TNK2: variants seen among roughly 807,000 people sequenced by gnomAD.
TNK2 encodes tyrosine kinase non receptor 2.
TNK2 carries 83 observed loss-of-function variants against 101.8 expected under a neutral mutation model. The ratio of observed to expected loss-of-function variants is 0.82; its 90% CI spans 0.68 to 0.98. The LOEUF is 0.98. Among genes scored for constraint, TNK2 ranks in the 50% least tolerant of loss-of-function variants. The pLI is 0.00. For missense variants in TNK2, 1,665 were observed against 1,483.2 expected (o/e 1.12, Z -2.01); for synonymous variants, 804 against 633.0 (o/e 1.27, Z -4.06).
intron 1 of TNK2, among the ~76,000 whole-genome samples, chr3:195,904,184 G>T (rs10881557): frequency 0.12 from 17,880 of 151,186 alleles, 1,438 homozygotes; most frequent in East Asian, 0.39. Flanking sequence ...CCTGAGCCCA[G>T]GAAGTCGAGG....
chr3:195,906,156 G>A (rs1022555546), intron 1 of TNK2, among the ~76,000 whole-genome samples: 3 of 152,122 alleles, frequency 2.0e-5, no homozygotes, highest in African/African-American at 7.2e-5. Context: ...TAAAATTAGA[G>A]ACTGACCACA....
chr3:195,872,359 C>T lies in TNK2; in HGVS notation c.1368G>A (p.Gln456=). ...TGTGGATGAAGCTGTTCTGCAGGGG[C>T]TGGCTGATGTCCTGGGCCGACAGGC... ...VAGLSAQDIS[Q]PLQNSFIHTG... is the part of the protein sequence containing the mutation. The change falls in exon 10 of 16, where the codon CAG becomes CAA. Residue 456 remains glutamine (Q), a synonymous_variant. Transcript: ENST00000672887. 6.2e-7 allele frequency: 1 copy of T among 1,613,428 alleles called. No homozygotes were observed. The highest frequency in any genetic ancestry group is 2.2e-5 in the East Asian group (1 of 44,878).
At chr3:195,902,611 C>G (rs1761316889) in intron 1 of TNK2, among the ~76,000 whole-genome samples, 1 of 137,148 alleles carries the variant, frequency 7.3e-6, no homozygotes, top group Non-Finnish European at 1.5e-5. Flanking sequence ...GAGCAAGACT[C>G]CGTCTCAAAA....
At chr3:195,866,411 G>C (rs1479077909) in intron 15 of TNK2, among the ~76,000 whole-genome samples, 2 of 152,310 alleles carry the variant, frequency 1.3e-5, no homozygotes, top group East Asian at 3.9e-4. Context: ...ATGTTGGCCA[G>C]GCTGGTCTCG....
At chr3:195,876,755 G>A in intron 9 of TNK2, 1 of 415,674 alleles carries the variant, frequency 2.4e-6, no homozygotes, top group Non-Finnish European at 4.8e-6. Context: ...TCGACGGAAG[G>A]GCGGGGCGGG....
rs751199844 is a variant in TNK2, at chr3:195,867,455, C to T, written c.2843G>A (p.Arg948Gln). Residue 948 changes from arginine to glutamine, a missense_variant, in exon 13 of 16, where the codon CGG becomes CAG. Arg to Gln is a conservative substitution (Grantham distance 43, BLOSUM62 1). Transcript: ENST00000672887. Reference protein sequence around the residue: ...FSTNNSNPGARPPPPRATARL... With the variant: ...FSTNNSNPGAQPPPPRATARL... ...AGCAGTGGCCCTCGGGGGTGGTGGC[C>T]GGGCCCCTGGGTTGCTGTTGTTGGT... is the stretch of plus-strand genomic sequence containing the variant. 31 of 1,589,798 alleles carry T rather than the reference C, an allele frequency of 1.9e-5. No homozygotes were observed. The highest frequency in any genetic ancestry group is 3.4e-5 in the Admixed American group (2 of 58,480).
At chr3:195,871,954 T>C (rs187404883) in intron 10 of TNK2, among the ~76,000 whole-genome samples, 708 of 70,542 alleles carry the variant, frequency 0.01, 15 homozygotes, top group East Asian at 0.031. Flanking sequence ...AACATTCCCC[T>C]GGAGAACCCT....
chr3:195,870,181 G>T lies in TNK2; in HGVS notation c.1476C>A (p.Asp492Glu). The T allele has an allele frequency of 1.3e-6, 2 of 1,520,244 alleles. No homozygotes were observed. Among genetic ancestry groups the T allele is most frequent in the Non-Finnish European group, 8.9e-7 (1 of 1,125,838 alleles). The allele number at this position is 1,520,244 out of a possible 1,614,324, so 94.2% of individuals were successfully genotyped here. The part of the protein sequence containing the change: ...IDELYLGNPM[D>E]PPDLLSVELS... ...GTTCCACGCTCAGGAGGTCGGGGGG[G>T]TCCATGGGGTTTCCCAGATACAGTC... Residue 492 changes from aspartate (D) to glutamate (E), a missense_variant, in exon 11 of 16, where the codon GAC becomes GAA. Physicochemically the swap from Asp to Glu is conservative, Grantham distance 45 (BLOSUM62 2). Coordinates refer to ENST00000672887, the MANE Select transcript of TNK2 (RefSeq NM_001382273.1).
At position 195,866,671 on chromosome 3, in the gene TNK2, T is replaced by C. The variant is rs112040958; in HGVS notation, c.3161+218A>G. Among the ~76,000 whole-genome samples, 203 of 152,360 alleles carry C rather than the reference T, an allele frequency of 1.3e-3. 2 individuals carry two copies. Among genetic ancestry groups the C allele is most frequent in the African/African-American group, 4.6e-3 (193 of 41,594 alleles). ...CAACCAGAGAGGCTCCAATTCCCTC[T>C]TGTACTCATTTGAAAACCAAGTGGC... On this transcript the variant is annotated intron_variant, in intron 15 of 15. Transcript: ENST00000672887.
chr3:195,901,174 C>CT (rs751673873), intron 1 of TNK2, among the ~76,000 whole-genome samples: 15 of 152,200 alleles, frequency 9.9e-5, no homozygotes, highest in Non-Finnish European at 1.9e-4. Flanking sequence ...CTGGACCCTG[C>CT]TCACCATCTG....
At chr3:195,881,517 G>A (rs1369234633) in intron 6 of TNK2, among the ~76,000 whole-genome samples, 1 of 83,208 alleles carries the variant, frequency 1.2e-5, no homozygotes, top group Non-Finnish European at 2.2e-5. Flanking sequence ...AGAGGACACG[G>A]CATCTATCCC....
At chr3:195,907,868 G>C (rs1560550256) in intron 1 of TNK2, among the ~76,000 whole-genome samples, 1 of 152,224 alleles carries the variant, frequency 6.6e-6, no homozygotes. Flanking sequence ...GTCCCACCCA[G>C]AGACGAGAGG....
intron 9 of TNK2, chr3:195,876,525 G>A: frequency 4.4e-6 from 2 of 456,700 alleles, no homozygotes; most frequent in Non-Finnish European, 8.8e-6. Context: ...AAACAAGGGG[G>A]CAGAGTCAAG....
intron 15 of TNK2, among the ~76,000 whole-genome samples, chr3:195,866,091 T>C (rs955171694): frequency 1.3e-5 from 2 of 152,188 alleles, no homozygotes; most frequent in African/African-American, 4.8e-5. Flanking sequence ...CATATATATA[T>C]TTACATAATA....
chr3:195,885,691 A>G lies in TNK2; in HGVS notation c.235-658T>C. 1.2e-6 allele frequency: 1 copy of G among 846,878 alleles called. No homozygotes were observed. Among genetic ancestry groups the G allele is most frequent in the Non-Finnish European group, 1.7e-6 (1 of 598,722 alleles). 52.5% of individuals were successfully genotyped at this position (846,878 alleles called of 1,614,324 possible). ...TAGAGCTGAGGGCTGAGACGGAAGG[A>G]AAAGTGGAGGAGACTCGGAGGCCAG... On this transcript the variant is annotated intron_variant, in intron 3 of 15. Transcript: ENST00000672887. The surrounding 1 kb of genome is among the most constrained non-coding windows in gnomAD (Gnocchi z 4.7).
rs1755833256 is a variant in TNK2, at chr3:195,886,848, T to C, written c.234+129A>G. The C allele has an allele frequency of 1.0e-6, 1 of 991,432 alleles. No homozygotes were observed. The highest frequency in any genetic ancestry group is 1.3e-5 in the South Asian group (1 of 75,244). The allele number at this position is 991,432 out of a possible 1,614,324, so 61.4% of individuals were successfully genotyped here. On this transcript the variant is annotated intron_variant, in intron 3 of 15. Transcript: ENST00000672887. The surrounding 1 kb of genome is among the most constrained non-coding windows in gnomAD (Gnocchi z 4.2). ...GATAAGACCCTGGACGAGGGGGTCCTGTACAAAGTGCCGGCAGAACGGCGA... is the reference window on the plus strand; with the variant it reads ...GATAAGACCCTGGACGAGGGGGTCCCGTACAAAGTGCCGGCAGAACGGCGA...
In TNK2 at chr3:195,885,349, C is replaced by G. The variant is rs975185723; in HGVS notation, c.235-316G>C. On this transcript the variant is annotated intron_variant, in intron 3 of 15. Coordinates refer to ENST00000672887, the MANE Select transcript of TNK2 (RefSeq NM_001382273.1). This position sits in a 1 kb window ranked among gnomAD's most constrained non-coding sequence, Gnocchi z 4.7. ...GGCACCGCCCAGCCAAGGTCGGAGT[C>G]TCCTCCCAGTCCTGCCCCACCCTCC... 4 of 1,372,316 alleles carry G rather than the reference C, an allele frequency of 2.9e-6. No individual in the cohort carries two copies. The South Asian group carries it at 4.2e-5, about 14-fold the overall frequency. 85.0% of individuals were successfully genotyped at this position (1,372,316 alleles called of 1,614,324 possible).
chr3:195,867,204 C>A lies in TNK2; in HGVS notation c.2998G>T (p.Gly1000Cys). The change falls in exon 14 of 16, where the codon GGC becomes TGC. Residue 1000 changes from glycine (G) to cysteine (C), a missense_variant. This residue lies in a region of TNK2 where 1,136 missense variants were observed against 894.9 expected (regional missense o/e 1.27). Transcript: ENST00000672887. ...EECQAALQCHGWSVQRAAQYL... is the reference protein window; with the variant it reads ...EECQAALQCHCWSVQRAAQYL... ...TGGGCAGCCCTCTGCACGCTCCAGC[C>A]GTGGCACTGCAGGGCCGCCTGGCAC... 1 of 1,613,038 alleles carries A rather than the reference C, an allele frequency of 6.2e-7. No homozygotes were observed. The highest frequency in any genetic ancestry group is 8.5e-7 in the Non-Finnish European group (1 of 1,179,906).
intron 9 of TNK2, among the ~76,000 whole-genome samples, chr3:195,876,121 G>A (rs761044874): frequency 1.4e-4 from 22 of 152,132 alleles, no homozygotes; most frequent in Non-Finnish European, 3.1e-4. Context: ...TCCAACACCC[G>A]CTCTGTATGC....
Sources: gnomAD v4.1 joint callset for allele counts (sites outside exome capture counted in the v4.1 genomes callset) on GRCh38, gnomAD v4.1.1 for gene constraint, gnomAD v4.1.1 regional missense constraint, Gnocchi (gnomAD v3.1) non-coding constraint, MANE v1.5 for transcripts, NCBI Gene and HGNC (gene_info 2026-07-23, HGNC 2026-07-21) for gene names.